Variants in PRDM16 observed in about 807,000 individuals in gnomAD.
PRDM16 encodes PR/SET domain 16.
PRDM16 carries 23 observed loss-of-function variants against 110.6 expected under a neutral mutation model. The observed-to-expected ratio is 0.21, with a 90% CI of 0.15 to 0.29. PRDM16 has a LOEUF of 0.29. Among genes scored for constraint, PRDM16 ranks in the 10% least tolerant of loss-of-function variants. The probability of loss-of-function intolerance (pLI) is 1.00; values close to 1 mark genes in which losing one functional copy is unlikely to be tolerated. For missense variants in PRDM16, 1,615 were observed against 1,794.3 expected, an observed-to-expected ratio of 0.90 and a Z score of 1.81; for synonymous variants, 799 against 781.8, an observed-to-expected ratio of 1.02 and a Z score of -0.37.
rs143246768 is a variant in PRDM16 at position 3,296,867 on chromosome 1, C to T, written c.438+52730C>T. On this transcript the variant is annotated intron_variant, in intron 3 of 16. Coordinates refer to ENST00000270722, the MANE Select transcript of PRDM16 (RefSeq NM_022114.4). ...AGTTGAAAATATCCTAAGTCAAAAA[C>T]GCAGTTCACACACCAAACCCACCGA... Among the ~76,000 whole-genome samples the T allele has an allele frequency of 7.3e-3, 1,119 of 152,314 alleles. 13 individuals carry two copies. Among genetic ancestry groups the T allele is most frequent in the African/African-American group, 0.022 (918 of 41,558 alleles).
intron 1 of PRDM16, among the ~76,000 whole-genome samples, chr1:3,120,592 C>G (rs1569608457): frequency 1.3e-5 from 2 of 152,166 alleles, no homozygotes; most frequent in South Asian, 4.1e-4. Flanking sequence ...CGGGAGACCC[C>G]CACCCCTCTG....
Position 3,344,406 on chromosome 1 carries a change from A to T in PRDM16, c.439-40746A>T, listed in dbSNP as rs1642325928. 2.0e-5 allele frequency among the ~76,000 whole-genome samples: 3 copies of T among 151,874 alleles called. No homozygotes were observed. The South Asian group carries it at 6.2e-4, about 31-fold the overall frequency. On this transcript the variant is annotated intron_variant, in intron 3 of 16. Transcript: ENST00000270722. The stretch of plus-strand genomic sequence containing the variant: ...CTTTTGGTTTTTAATTATAATTGGC[A>T]TTTCCCTGTTGGCATTTCCCCTCTG...
intron 3 of PRDM16, among the ~76,000 whole-genome samples, chr1:3,364,581 G>A (rs1169412589): frequency 6.6e-6 from 1 of 152,212 alleles, no homozygotes; most frequent in Non-Finnish European, 1.5e-5. Context: ...CAACAGCCTA[G>A]TAATGACCCT....
intron 2 of PRDM16, among the ~76,000 whole-genome samples, chr1:3,217,145 TCTC>T (rs1303112631): frequency 2.6e-5 from 4 of 152,262 alleles, no homozygotes; most frequent in African/African-American, 7.2e-5. Flanking sequence ...CGGGTGGCCT[TCTC>T]CTCACACACC....
chr1:3,120,762 A>G (rs1014904181), intron 1 of PRDM16, among the ~76,000 whole-genome samples: 1 of 152,182 alleles, frequency 6.6e-6, no homozygotes, highest in Non-Finnish European at 1.5e-5. Flanking sequence ...GACCCCAGCC[A>G]GGCAGAGTCT....
chr1:3,215,685 C>T (rs1490553404), intron 2 of PRDM16, among the ~76,000 whole-genome samples: 3 of 152,230 alleles, frequency 2.0e-5, no homozygotes, highest in African/African-American at 7.2e-5. Context: ...GGCCCTTTCC[C>T]ACTGGGCGTG....
intron 2 of PRDM16, among the ~76,000 whole-genome samples, chr1:3,193,850 G>A (rs1165299868): frequency 6.6e-6 from 1 of 152,194 alleles, no homozygotes; most frequent in Non-Finnish European, 1.5e-5. Flanking sequence ...TTCACTGTGT[G>A]TTCGTGTTGC....
intron 1 of PRDM16, among the ~76,000 whole-genome samples, chr1:3,094,054 G>A (rs549774872): frequency 2.0e-4 from 31 of 152,388 alleles, no homozygotes; most frequent in African/African-American, 7.5e-4. Context: ...CAGCAACGTG[G>A]TCTGGGGAAA....
At chr1:3,128,910 G>C (rs1339570485) in intron 1 of PRDM16, among the ~76,000 whole-genome samples, 1 of 152,228 alleles carries the variant, frequency 6.6e-6, no homozygotes, top group Non-Finnish European at 1.5e-5. Flanking sequence ...AGGTGGGGGT[G>C]CGCAGCCGTG....
chr1:3,204,905 C>G (rs939640744), intron 2 of PRDM16, among the ~76,000 whole-genome samples: 1 of 152,050 alleles, frequency 6.6e-6, no homozygotes, highest in African/African-American at 2.4e-5. Flanking sequence ...TTGGGGGGGG[C>G]CCTCGCCGGG....
chr1:3,345,003 C>A (rs1570108629), intron 3 of PRDM16, among the ~76,000 whole-genome samples: 2 of 152,330 alleles, frequency 1.3e-5, no homozygotes, highest in Middle Eastern at 3.4e-3. Context: ...ACAGGAGGAT[C>A]ATGTCTCTGT....
intron 3 of PRDM16, among the ~76,000 whole-genome samples, chr1:3,305,509 CTGTT>C (rs367724332): frequency 3.9e-4 from 59 of 152,374 alleles, no homozygotes; most frequent in Non-Finnish European, 7.2e-4. Context: ...CATTTCCCAT[CTGTT>C]TGCCCACTCG....
In PRDM16 at chr1:3,358,872, C is replaced by T. The variant is rs576011355; in HGVS notation, c.439-26280C>T. Among the ~76,000 whole-genome samples the T allele has an allele frequency of 6.6e-6, 1 of 152,166 alleles. No homozygotes were observed. Among genetic ancestry groups the T allele is most frequent in the Admixed American group, 6.5e-5 (1 of 15,280 alleles). ...GCCATTTTGAGGAAAACAGACACCC[C>T]TCTTGGGCCGCAGAGGAGGTGGGGA... On this transcript the variant is annotated intron_variant, in intron 3 of 16. Transcript: ENST00000270722. The surrounding 1 kb of genome is among the most constrained non-coding windows in gnomAD (Gnocchi z 4.0).
At chr1:3,389,375 C>T (rs1256825996) in intron 4 of PRDM16, among the ~76,000 whole-genome samples, 1 of 152,226 alleles carries the variant, frequency 6.6e-6, no homozygotes, top group Non-Finnish European at 1.5e-5. Context: ...CCATCTCAGG[C>T]CCCATGGGAA....
At chr1:3,179,091 C>A (rs1219120552) in intron 1 of PRDM16, among the ~76,000 whole-genome samples, 1 of 152,262 alleles carries the variant, frequency 6.6e-6, no homozygotes, top group South Asian at 2.1e-4. Context: ...GGAACTCAGA[C>A]AAACCCCATC....
chr1:3,078,025 T>C (rs1641938102), intron 1 of PRDM16, among the ~76,000 whole-genome samples: 1 of 119,860 alleles, frequency 8.3e-6, no homozygotes, highest in African/African-American at 2.8e-5. Context: ...TCAGCCTCCC[T>C]GGGTCTCCTC....
chr1:3,365,393 G>C (rs541187263), intron 3 of PRDM16, among the ~76,000 whole-genome samples: 3 of 152,338 alleles, frequency 2.0e-5, no homozygotes, highest in African/African-American at 7.2e-5. Flanking sequence ...CGTGTGGCTG[G>C]GTTTGGGAAG....
intron 1 of PRDM16, among the ~76,000 whole-genome samples, chr1:3,095,762 T>C (rs12135325): frequency 0.097 from 14,795 of 151,804 alleles, 958 homozygotes; most frequent in Non-Finnish European, 0.14. Flanking sequence ...GAGATGACTC[T>C]GTGGAGTTGG....
At chr1:3,112,158 A>G (rs1053594852) in intron 1 of PRDM16, among the ~76,000 whole-genome samples, 1 of 152,194 alleles carries the variant, frequency 6.6e-6, no homozygotes, top group Non-Finnish European at 1.5e-5. Flanking sequence ...TCAGAAGAGA[A>G]TACCAAAAAG....
Sources: gnomAD v4.1 joint callset for allele counts (sites outside exome capture counted in the v4.1 genomes callset) on GRCh38, gnomAD v4.1.1 for gene constraint, Gnocchi (gnomAD v3.1) non-coding constraint, MANE v1.5 for transcripts, NCBI Gene and HGNC (gene_info 2026-07-23, HGNC 2026-07-21) for gene names.